Variants in BEND7 observed in about 807,000 individuals in gnomAD.
The protein encoded by BEND7 is BEN domain-containing protein 7.
In BEND7, 28 loss-of-function variants were observed where a neutral mutation model predicts 50.9. The ratio of observed to expected loss-of-function variants is 0.55; its 90% CI spans 0.41 to 0.75. The LOEUF (loss-of-function observed/expected upper bound fraction) is 0.75. Among genes scored for constraint, BEND7 ranks in the 30% least tolerant of loss-of-function variants. The pLI is 0.00. For missense variants in BEND7, 477 were observed against 491.3 expected (o/e 0.97, Z 0.28); for synonymous variants, 170 against 183.9 (o/e 0.92, Z 0.61).
intron 6 of BEND7, among the ~76,000 whole-genome samples, chr10:13,457,872 G>A (rs138490662): frequency 2.6e-4 from 39 of 152,344 alleles, no homozygotes; most frequent in African/African-American, 9.1e-4. Flanking sequence ...GGGTCATTAA[G>A]AATCATAGTC....
chr10:13,519,381 C>G (rs1056979840), intron 2 of BEND7, among the ~76,000 whole-genome samples: 33 of 151,820 alleles, frequency 2.2e-4, no homozygotes, highest in African/African-American at 8.0e-4. Context: ...GAGGCTGAGG[C>G]AGGAGAATGG....
intron 6 of BEND7, among the ~76,000 whole-genome samples, chr10:13,462,717 G>C (rs1247138497): frequency 6.6e-6 from 1 of 152,182 alleles, no homozygotes; most frequent in African/African-American, 2.4e-5. Context: ...GTTTCAGAGG[G>C]AGAGAATTCA....
chr10:13,501,140 C>T (rs1588974764), intron 2 of BEND7, among the ~76,000 whole-genome samples: 2 of 151,708 alleles, frequency 1.3e-5, no homozygotes, highest in South Asian at 4.2e-4. Flanking sequence ...TTTGGGAGGC[C>T]GAGGCGGGTA....
At chr10:13,447,568 G>T (rs1187873497) in intron 7 of BEND7, among the ~76,000 whole-genome samples, 1 of 129,304 alleles carries the variant, frequency 7.7e-6, no homozygotes, top group Non-Finnish European at 1.6e-5. Context: ...TTTTGAGACG[G>T]AGTCTCGCTC....
intron 6 of BEND7, among the ~76,000 whole-genome samples, chr10:13,462,244 G>GGTTTAATGGACTCACAGTT (rs1351533382): frequency 6.6e-6 from 1 of 151,626 alleles, no homozygotes; most frequent in African/African-American, 2.4e-5. Context: ...AAAGGAAAGA[G>GGTTTAATGGACTCACAGTT]GTTTAATGGA....
intron 7 of BEND7, among the ~76,000 whole-genome samples, chr10:13,450,190 C>CT (rs1484920873): frequency 8.5e-5 from 13 of 152,302 alleles, no homozygotes; most frequent in Non-Finnish European, 1.5e-4. Flanking sequence ...TGGGGCACTT[C>CT]TTTTTTTCTA....
intron 5 of BEND7, among the ~76,000 whole-genome samples, chr10:13,488,618 G>A (rs1479872233): frequency 6.6e-6 from 1 of 152,198 alleles, no homozygotes; most frequent in Non-Finnish European, 1.5e-5. Context: ...CTCCCAAGTA[G>A]CTGGGATTAC....
intron 6 of BEND7, among the ~76,000 whole-genome samples, chr10:13,472,029 G>T (rs1214621311): frequency 1.3e-5 from 2 of 152,070 alleles, no homozygotes; most frequent in African/African-American, 4.8e-5. Flanking sequence ...TAGACTCGGG[G>T]TCGATACCCG....
rs546449976 is a variant in BEND7 at position 13,500,836 on chromosome 10, G to A, written c.146-756C>T. The A allele has an allele frequency of 2.4e-4, 234 of 985,330 alleles. 1 individual carries two copies. In the African/African-American group the frequency reaches 3.8e-3, roughly 16 times the overall value. 61.0% of individuals were successfully genotyped at this position (985,330 alleles called of 1,614,324 possible). On this transcript the variant is annotated intron_variant, in intron 2 of 8. Coordinates refer to ENST00000466271, the MANE Select transcript of BEND7 (RefSeq NM_001369863.1). ...CGAGGTCACTGGCGGTACCAGCACT[G>A]GAAGGGCGGAAGTGCAACCTCCCCA...
chr10:13,466,144 T>C (rs1416930059), intron 6 of BEND7, among the ~76,000 whole-genome samples: 2 of 152,212 alleles, frequency 1.3e-5, no homozygotes, highest in Non-Finnish European at 2.9e-5. Flanking sequence ...AGTTGGTATA[T>C]TTCAATGGTT....
At chr10:13,473,510 G>A (rs1197684291) in intron 6 of BEND7, among the ~76,000 whole-genome samples, 1 of 147,202 alleles carries the variant, frequency 6.8e-6, no homozygotes, top group Non-Finnish European at 1.5e-5. Context: ...TAGACTTGGG[G>A]TTGATACTCA....
chr10:13,464,362 C>A (rs1468573665), intron 6 of BEND7, among the ~76,000 whole-genome samples: 2 of 152,182 alleles, frequency 1.3e-5, no homozygotes, highest in African/African-American at 4.8e-5. Context: ...ATGGACAAAT[C>A]TTTAAAAAGA....
intron 6 of BEND7, among the ~76,000 whole-genome samples, chr10:13,473,254 T>TA (rs1446415195): frequency 6.6e-6 from 1 of 151,746 alleles, no homozygotes; most frequent in African/African-American, 2.4e-5. Context: ...TCATCGCTGT[T>TA]AGACTCAGGG....
intron 6 of BEND7, among the ~76,000 whole-genome samples, chr10:13,467,511 T>C (rs1588748250): frequency 6.6e-6 from 1 of 152,262 alleles, no homozygotes; most frequent in South Asian, 2.1e-4. Flanking sequence ...TATTTAACAA[T>C]GATCAATGCT....
chr10:13,529,224 G>GC (rs1014351645), upstream of BEND7, among the ~76,000 whole-genome samples: 16 of 147,044 alleles, frequency 1.1e-4, no homozygotes, highest in Admixed American at 2.0e-4. Flanking sequence ...CGGCCTGCCT[G>GC]CCCCCGGGGA....
At chr10:13,467,180 T>C (rs2131393554) in intron 6 of BEND7, among the ~76,000 whole-genome samples, 1 of 152,176 alleles carries the variant, frequency 6.6e-6, no homozygotes, top group South Asian at 2.1e-4. Flanking sequence ...TGTAGGAAAA[T>C]TTGGGGTTCA....
At chr10:13,483,326 T>C (rs1258714936) in intron 5 of BEND7, among the ~76,000 whole-genome samples, 1 of 152,202 alleles carries the variant, frequency 6.6e-6, no homozygotes, top group Admixed American at 6.5e-5. Context: ...CCCTTCTTCA[T>C]GCGCTCATAC....
intron 2 of BEND7, among the ~76,000 whole-genome samples, chr10:13,518,524 C>T (rs2078861006): frequency 1.3e-5 from 2 of 152,342 alleles, no homozygotes; most frequent in Non-Finnish European, 2.9e-5. Flanking sequence ...TGGGCCAGCG[C>T]TATCTTAAGC....
intron 5 of BEND7, among the ~76,000 whole-genome samples, chr10:13,486,604 G>A (rs989212832): frequency 5.9e-5 from 9 of 152,210 alleles, no homozygotes; most frequent in Non-Finnish European, 1.2e-4. Flanking sequence ...CAATTTACAC[G>A]ATAGCCTATA....
Sources: gnomAD v4.1 joint callset for allele counts (sites outside exome capture counted in the v4.1 genomes callset) on GRCh38, gnomAD v4.1.1 for gene constraint, MANE v1.5 for transcripts, NCBI Gene and HGNC (gene_info 2026-07-23, HGNC 2026-07-21) for gene names.